Variants in ATP8B4 observed in about 807,000 individuals in gnomAD.
ATP8B4 encodes the protein probable phospholipid-transporting ATPase IM.
ATP8B4 carries 133 observed loss-of-function variants against 145.6 expected under a neutral mutation model. That is an observed-to-expected ratio of 0.91 (90% CI 0.79 to 1.05). The LOEUF (loss-of-function observed/expected upper bound fraction) is 1.05. Among genes scored for constraint, ATP8B4 ranks in the 50% least tolerant of loss-of-function variants. The pLI is 0.00. For synonymous variants in ATP8B4, 507 were observed against 492.9 expected, an observed-to-expected ratio of 1.03 and a Z score of -0.38; for missense variants, 1,458 against 1,425.2, an observed-to-expected ratio of 1.02 and a Z score of -0.37.
intron 1 of ATP8B4, among the ~76,000 whole-genome samples, chr15:50,134,656 A>G (rs554508042): frequency 6.6e-6 from 1 of 152,244 alleles, no homozygotes; most frequent in African/African-American, 2.4e-5. Context: ...ACATGACAAT[A>G]ATAGCCTAAG....
chr15:50,048,423 G>T (rs1015957347), intron 3 of ATP8B4, among the ~76,000 whole-genome samples: 1 of 152,112 alleles, frequency 6.6e-6, no homozygotes, highest in Non-Finnish European at 1.5e-5. Flanking sequence ...GAAGGGCAAA[G>T]GGGGCCAAGC....
intron 25 of ATP8B4, among the ~76,000 whole-genome samples, chr15:49,874,724 G>A (rs1433759568): frequency 2.0e-5 from 3 of 151,964 alleles, no homozygotes; most frequent in African/African-American, 4.8e-5. Flanking sequence ...AACTTCAAGC[G>A]ACAAGAAGTC....
intron 26 of ATP8B4, among the ~76,000 whole-genome samples, chr15:49,863,322 C>G (rs2032189183): frequency 6.6e-6 from 1 of 152,216 alleles, no homozygotes; most frequent in Admixed American, 6.5e-5. Flanking sequence ...GGCAATAGGA[C>G]AGTGAAACTC....
chr15:49,987,902 TTC>T (rs1261322372), intron 9 of ATP8B4, among the ~76,000 whole-genome samples: 1 of 152,220 alleles, frequency 6.6e-6, no homozygotes, highest in African/African-American at 2.4e-5. Context: ...TCCTAAAAGT[TTC>T]TCTTATTCCA....
intron 2 of ATP8B4, among the ~76,000 whole-genome samples, chr15:50,075,254 G>A (rs1255383128): frequency 1.3e-5 from 2 of 152,054 alleles, no homozygotes; most frequent in African/African-American, 4.8e-5. Flanking sequence ...AAGCAGAAGG[G>A]AGATGAGGAA....
At chr15:50,155,563 A>G (rs1210271974) in intron 1 of ATP8B4, among the ~76,000 whole-genome samples, 1 of 152,178 alleles carries the variant, frequency 6.6e-6, no homozygotes, top group Non-Finnish European at 1.5e-5. Flanking sequence ...ACTAAAAGGT[A>G]TTTGGGTTAA....
At chr15:50,096,936 T>C (rs930936665) in intron 2 of ATP8B4, among the ~76,000 whole-genome samples, 5 of 152,164 alleles carry the variant, frequency 3.3e-5, no homozygotes, top group African/African-American at 1.2e-4. Flanking sequence ...CTGTCTTATG[T>C]ATGTCACTCG....
At chr15:50,023,797 G>GA (rs1260432604) in intron 6 of ATP8B4, among the ~76,000 whole-genome samples, 1 of 91,606 alleles carries the variant, frequency 1.1e-5, no homozygotes, top group Non-Finnish European at 2.3e-5. Flanking sequence ...AAAAAAAAAA[G>GA]AAAAAAAAGA....
chr15:49,929,419 T>C (rs1244871964), intron 16 of ATP8B4, among the ~76,000 whole-genome samples: 1 of 152,102 alleles, frequency 6.6e-6, no homozygotes, highest in Non-Finnish European at 1.5e-5. Context: ...TAATACAGAT[T>C]ATAGAAAGAA....
intron 10 of ATP8B4, among the ~76,000 whole-genome samples, chr15:49,984,084 C>T (rs555466562): frequency 3.9e-5 from 6 of 152,296 alleles, no homozygotes; most frequent in African/African-American, 1.4e-4. Context: ...TTTTGAACAT[C>T]TACATTTCAC....
intron 2 of ATP8B4, among the ~76,000 whole-genome samples, chr15:50,096,238 G>C (rs2055976810): frequency 6.6e-6 from 1 of 152,156 alleles, no homozygotes; most frequent in Non-Finnish European, 1.5e-5. Context: ...GAAAAAAAGA[G>C]TTTTTGTGGA....
rs141605063 is a variant in ATP8B4 at position 49,947,353 on chromosome 15, C to T, written c.1288-13171G>A. 1.3e-4 allele frequency among the ~76,000 whole-genome samples: 20 copies of T among 150,896 alleles called. No homozygotes were observed. The East Asian group carries it at 3.9e-3, about 30-fold the overall frequency. ...GGCTGAGGCAGAGCAATCACTTGAACCTGGGAGGCAGAGGTTGCAAGTGAG... is the reference window on the plus strand; with the variant it reads ...GGCTGAGGCAGAGCAATCACTTGAATCTGGGAGGCAGAGGTTGCAAGTGAG... On this transcript the variant is annotated intron_variant, in intron 14 of 27. Transcript: ENST00000284509.
chr15:49,894,592 CA>C (rs1240311265), intron 23 of ATP8B4, among the ~76,000 whole-genome samples: 2 of 152,154 alleles, frequency 1.3e-5, no homozygotes, highest in East Asian at 3.9e-4. Flanking sequence ...ACTATTGTAT[CA>C]TATTAATATT....
At chr15:50,103,713 A>G (rs1399526822) in intron 2 of ATP8B4, among the ~76,000 whole-genome samples, 1 of 152,192 alleles carries the variant, frequency 6.6e-6, no homozygotes, top group Non-Finnish European at 1.5e-5. Flanking sequence ...ATCATTTTTC[A>G]CAGAACTAGA....
Position 49,981,219 on chromosome 15 carries a change from G to A in ATP8B4, c.824C>T (p.Thr275Ile). ...TTTGTAACTTACCCATAGTACTAGA[G>A]TATTCATCAATCTATCAATGCTTGT... ...KRTSIDRLMN[T>I]LVLWIFGFLI... Residue 275 changes from threonine to isoleucine, a missense_variant, in exon 11 of 28, where the codon ACT becomes ATT. Coordinates refer to ENST00000284509, the MANE Select transcript of ATP8B4 (RefSeq NM_024837.4). 6.3e-7 allele frequency: 1 copy of A among 1,599,154 alleles called. No individual in the cohort carries two copies. Among genetic ancestry groups the A allele is most frequent in the Non-Finnish European group, 8.6e-7 (1 of 1,168,266 alleles).
At chr15:49,934,873 T>G (rs916272650) in intron 14 of ATP8B4, among the ~76,000 whole-genome samples, 5 of 152,064 alleles carry the variant, frequency 3.3e-5, no homozygotes, top group African/African-American at 1.2e-4. Flanking sequence ...AGAGTCCACA[T>G]TTCCTCCCCC....
At chr15:49,863,613 T>C (rs909169582) in intron 26 of ATP8B4, among the ~76,000 whole-genome samples, 1 of 152,196 alleles carries the variant, frequency 6.6e-6, no homozygotes, top group Non-Finnish European at 1.5e-5. Context: ...ATGGTATGTC[T>C]GCTTTTTCTG....
intron 1 of ATP8B4, among the ~76,000 whole-genome samples, chr15:50,172,320 T>C (rs868273441): frequency 2.6e-5 from 4 of 152,364 alleles, no homozygotes; most frequent in South Asian, 4.1e-4. Context: ...TTTTCGTATT[T>C]TTTGGTGGAG....
intron 1 of ATP8B4, among the ~76,000 whole-genome samples, chr15:50,111,139 G>A (rs936480965): frequency 6.6e-5 from 10 of 152,206 alleles, no homozygotes; most frequent in Admixed American, 6.5e-4. Context: ...TTCTTACAGT[G>A]AAAATGGGCA....
Sources: gnomAD v4.1 joint callset for allele counts (sites outside exome capture counted in the v4.1 genomes callset) on GRCh38, gnomAD v4.1.1 for gene constraint, MANE v1.5 for transcripts, NCBI Gene and HGNC (gene_info 2026-07-23, HGNC 2026-07-21) for gene names.